Variants in HOGA1 observed in about 807,000 individuals in gnomAD.
The protein encoded by HOGA1 is 4-hydroxy-2-oxoglutarate aldolase, mitochondrial.
A neutral mutation model predicts 34.3 loss-of-function variants in HOGA1; 30 were observed. That is an observed-to-expected ratio of 0.87 (90% CI 0.65 to 1.19). HOGA1 has a LOEUF of 1.19. Ranked by LOEUF, HOGA1 falls within the 50% of genes most tolerant of loss-of-function variation. The pLI is 0.00. For synonymous variants in HOGA1, 161 were observed against 174.0 expected, an observed-to-expected ratio of 0.93 and a Z score of 0.59; for missense variants, 417 against 436.5, an observed-to-expected ratio of 0.96 and a Z score of 0.40.
At chr10:97,595,702 A>G (rs550622639) in intron 1 of HOGA1, among the ~76,000 whole-genome samples, 1 of 152,304 alleles carries the variant, frequency 6.6e-6, no homozygotes, top group African/African-American at 2.4e-5. Flanking sequence ...CTCAAAACAA[A>G]ACAAAACAAA....
chr10:97,604,882 T>C (rs2041145188), intron 6 of HOGA1, among the ~76,000 whole-genome samples: 1 of 152,156 alleles, frequency 6.6e-6, no homozygotes, highest in African/African-American at 2.4e-5. Context: ...CTCGAGTGGC[T>C]GAGCAAGAGA....
At chr10:97,602,483 T>C in intron 6 of HOGA1, 1 of 985,354 alleles carries the variant, frequency 1.0e-6, no homozygotes, top group Non-Finnish European at 1.2e-6. Context: ...CCCCAATTCT[T>C]TGTTGGGCAA....
At position 97,584,823 on chromosome 10, in the gene HOGA1, C is replaced by T; in HGVS notation, c.120C>T (p.Pro40=). ...AGGTGGACATTGCGGGTATCTACCC[C>T]CCTGTGACCACCCCCTTCACTGCCA... ...GKKVDIAGIY[P]PVTTPFTATA... Residue 40 remains proline (P), a synonymous_variant, in exon 1 of 7, where the codon CCC becomes CCT. Coordinates refer to ENST00000370646, the MANE Select transcript of HOGA1 (RefSeq NM_138413.4). The T allele has an allele frequency of 1.9e-6, 3 of 1,614,084 alleles. No individual in the cohort carries two copies. Among genetic ancestry groups the T allele is most frequent in the Non-Finnish European group, 2.5e-6 (3 of 1,179,990 alleles).
Position 97,603,018 on chromosome 10 carries a change from T to C in HOGA1, c.834+1028T>C, listed in dbSNP as rs924588523. Among the ~76,000 whole-genome samples, 1 of 152,124 alleles carries C rather than the reference T, an allele frequency of 6.6e-6. No homozygotes were observed. The highest frequency in any genetic ancestry group is 1.5e-5 in the Non-Finnish European group (1 of 68,026). ...ATTCTTTTTTCTTTTCTTTTCTTTT[T>C]TGAGACATAGTCTCACTCTGTTTCC... On this transcript the variant is annotated intron_variant, in intron 6 of 6. Coordinates refer to ENST00000370646, the MANE Select transcript of HOGA1 (RefSeq NM_138413.4). The surrounding 1 kb of genome is among the most constrained non-coding windows in gnomAD (Gnocchi z 4.5).
rs5787247 is a variant in HOGA1, at chr10:97,608,803, C to CAAA, written c.835-2697_835-2695dup. On this transcript the variant is annotated intron_variant, in intron 6 of 6. Coordinates refer to ENST00000370646, the MANE Select transcript of HOGA1 (RefSeq NM_138413.4). ...CCTGGGCGACAGAGTGGGACTGTTT[C>CAAA]AAAAAAAAAAAATTGCATTGAAATA... Among the ~76,000 whole-genome samples the CAAA allele has an allele frequency of 3.4e-3, 500 of 149,006 alleles. 2 individuals carry two copies. Among genetic ancestry groups the CAAA allele is most frequent in the African/African-American group, 0.012 (480 of 40,738 alleles).
At chr10:97,586,623 G>C (rs1458242279) in intron 1 of HOGA1, among the ~76,000 whole-genome samples, 1 of 152,186 alleles carries the variant, frequency 6.6e-6, no homozygotes, top group Non-Finnish European at 1.5e-5. Context: ...CAAGGTTCAA[G>C]GATGCTCTAG....
At chr10:97,597,733 A>T (rs934481652) in intron 1 of HOGA1, among the ~76,000 whole-genome samples, 2 of 152,104 alleles carry the variant, frequency 1.3e-5, no homozygotes, top group Non-Finnish European at 2.9e-5. Flanking sequence ...AGGTGGGAGG[A>T]TCACCTGGGC....
rs903380289 is a variant in HOGA1, at chr10:97,601,560, C to T, written c.701-297C>T. Among the ~76,000 whole-genome samples the T allele has an allele frequency of 9.2e-5, 14 of 152,098 alleles. 1 individual carries two copies. The highest frequency in any genetic ancestry group is 1.6e-4 in the Non-Finnish European group (11 of 68,030). The stretch of plus-strand genomic sequence containing the variant: ...TCAACTGTCAGATGGGATTTTATTC[C>T]GGGAGGGGTTCAGGGAAGGAACCGT... On this transcript the variant is annotated intron_variant, in intron 5 of 6. Transcript: ENST00000370646.
Position 97,612,350 on chromosome 10 carries a change from T to G in HOGA1, c.*691T>G, listed in dbSNP as rs2041204895. 1 of 152,194 alleles carries G rather than the reference T, an allele frequency of 6.6e-6. No homozygotes were observed. Among genetic ancestry groups the G allele is most frequent in the Non-Finnish European group, 1.5e-5 (1 of 68,158 alleles). The allele number at this position is 152,194 out of a possible 1,614,324, so 9.4% of individuals were successfully genotyped here. A position where few individuals can be genotyped will look rare whatever the true frequency, so the allele number is the denominator to read the frequency against. On this transcript the variant is annotated 3_prime_UTR_variant, in exon 7 of 7. Transcript: ENST00000370646. ...TTAGATTTGGGGCTTCAAACCTGAG[T>G]CTAGCACAATGCAGCTGGAGGCCAG...
chr10:97,593,193 G>C (rs1427464216), intron 1 of HOGA1, among the ~76,000 whole-genome samples: 1 of 151,824 alleles, frequency 6.6e-6, no homozygotes, highest in Non-Finnish European at 1.5e-5. Context: ...AGTTCATTGG[G>C]GGCCGAACAC....
intron 6 of HOGA1, 26 bp downstream of exon 6, chr10:97,602,016 G>A: frequency 6.3e-7 from 1 of 1,598,192 alleles, no homozygotes; most frequent in Non-Finnish European, 8.5e-7. Flanking sequence ...CGGGGGCGCG[G>A]CCTGGCGGGG....
chr10:97,592,843 C>T (rs765422119), intron 1 of HOGA1, among the ~76,000 whole-genome samples: 12 of 151,304 alleles, frequency 7.9e-5, no homozygotes, highest in Admixed American at 5.9e-4. Context: ...CCAGCCTGGA[C>T]AACCTCGTGA....
At chr10:97,601,834 G>T in intron 5 of HOGA1, 23 bp from the exon 6 acceptor site, 1 of 1,611,856 alleles carries the variant, frequency 6.2e-7, no homozygotes, top group Non-Finnish European at 8.5e-7. Flanking sequence ...TCTGGCTGAT[G>T]TTCTGCGTCT....
In HOGA1 at chr10:97,602,217, C is replaced by G; in HGVS notation, c.834+227C>G. 3.3e-6 allele frequency: 5 copies of G among 1,525,908 alleles called. No individual in the cohort carries two copies. In the South Asian group the frequency reaches 4.9e-5, roughly 15 times the overall value. 94.5% of individuals were successfully genotyped at this position (1,525,908 alleles called of 1,614,324 possible). A position where few individuals can be genotyped will look rare whatever the true frequency, so the allele number is the denominator to read the frequency against. ...AAACTTAAGTGTGCATTAAAATTTC[C>G]TTGGGGGCGAATTAAAGTTCCAACT... is the stretch of plus-strand genomic sequence containing the variant. On this transcript the variant is annotated intron_variant, in intron 6 of 6. Transcript: ENST00000370646.
At position 97,590,542 on chromosome 10, in the gene HOGA1, C is replaced by A. The variant is rs778644819; in HGVS notation, c.211+5628C>A. The A allele has an allele frequency of 2.5e-6, 4 of 1,612,120 alleles. No homozygotes were observed. In the South Asian group the frequency reaches 4.4e-5, roughly 18 times the overall value. On this transcript the variant is annotated intron_variant, in intron 1 of 6. Transcript: ENST00000370646. ...ACCATGGCCACCCAAGCCACCAGAG[C>A]CACAGCCTGCCTAATCGCAGACACT...
In HOGA1 at chr10:97,611,415, A is replaced by G. The variant is rs183950376; in HGVS notation, c.835-95A>G. 1.0e-5 allele frequency: 14 copies of G among 1,398,616 alleles called. No homozygotes were observed. In the East Asian group the frequency reaches 1.1e-4, roughly 11 times the overall value. The allele number at this position is 1,398,616 out of a possible 1,614,324, so 86.6% of individuals were successfully genotyped here. ...AGTTACTTTCCTGGGGGAAGAGGGT[A>G]GGACTTCAATGTTCTGAAAGTGACA... On this transcript the variant is annotated intron_variant, in intron 6 of 6. Transcript: ENST00000370646.
chr10:97,602,426 A>C (rs2041126158), intron 6 of HOGA1: 2 of 985,384 alleles, frequency 2.0e-6, no homozygotes, highest in Admixed American at 6.1e-5. Flanking sequence ...GTTAGAAGGC[A>C]GGAGAGTGTT....
intron 1 of HOGA1, among the ~76,000 whole-genome samples, chr10:97,594,275 A>G (rs1197413959): frequency 6.7e-6 from 1 of 149,124 alleles, no homozygotes; most frequent in African/African-American, 2.5e-5. Flanking sequence ...TCCCAGGCTT[A>G]AGCAATTCTC....
At chr10:97,587,323 A>T (rs1413991084) in intron 1 of HOGA1, among the ~76,000 whole-genome samples, 5 of 152,052 alleles carry the variant, frequency 3.3e-5, no homozygotes, top group African/African-American at 7.2e-5. Flanking sequence ...ACAGTGGCTT[A>T]CTCCTGTAAT....
Sources: allele counts gnomAD v4.1 joint callset (sites outside exome capture counted in the v4.1 genomes callset), GRCh38; gene constraint gnomAD v4.1.1; non-coding constraint Gnocchi (gnomAD v3.1); transcripts MANE v1.5; gene names NCBI Gene and HGNC (gene_info 2026-07-23, HGNC 2026-07-21).